FAF1: variants seen among roughly 807,000 people sequenced by gnomAD.
The protein encoded by FAF1 is FAS-associated factor 1.
Under a neutral mutation model 92.5 loss-of-function variants are expected in FAF1, and 25 were observed. The observed-to-expected ratio is 0.27, with a 90% CI of 0.20 to 0.38. The LOEUF is 0.38. Among genes scored for constraint, FAF1 ranks in the 10% least tolerant of loss-of-function variants. The pLI is 1.00. For synonymous variants in FAF1, 234 were observed against 273.2 expected (o/e 0.86, Z 1.42); for missense variants, 636 against 793.3 (o/e 0.80, Z 2.38).
At chr1:50,524,115 G>C (rs1647662230) in intron 15 of FAF1, among the ~76,000 whole-genome samples, 1 of 151,578 alleles carries the variant, frequency 6.6e-6, no homozygotes, top group Non-Finnish European at 1.5e-5. Flanking sequence ...GTATCTCATT[G>C]TGGTTTTGGT....
intron 2 of FAF1, among the ~76,000 whole-genome samples, chr1:50,817,695 T>C (rs1456504623): frequency 6.6e-6 from 1 of 152,100 alleles, no homozygotes; most frequent in African/African-American, 2.4e-5. Context: ...TAAACAGAAA[T>C]AGAGATTCAC....
intron 18 of FAF1, among the ~76,000 whole-genome samples, chr1:50,455,839 G>T (rs572328864): frequency 2.2e-4 from 33 of 152,020 alleles, no homozygotes; most frequent in African/African-American, 7.2e-4. Context: ...AAAATTTTGG[G>T]GGCCAGGTGC....
chr1:50,759,026 T>C (rs999093027), intron 4 of FAF1, among the ~76,000 whole-genome samples: 1 of 152,034 alleles, frequency 6.6e-6, no homozygotes, highest in Non-Finnish European at 1.5e-5. Context: ...GTGATTTTAG[T>C]AGAGACGGGG....
At chr1:50,538,139 G>A (rs1194172533) in intron 14 of FAF1, among the ~76,000 whole-genome samples, 1 of 151,484 alleles carries the variant, frequency 6.6e-6, no homozygotes, top group Non-Finnish European at 1.5e-5. Flanking sequence ...AAAACATCTT[G>A]GCAACTACCC....
chr1:50,726,427 T>C (rs1036533004), intron 6 of FAF1, among the ~76,000 whole-genome samples: 2 of 152,092 alleles, frequency 1.3e-5, no homozygotes, highest in Non-Finnish European at 2.9e-5. Flanking sequence ...CTGGGCACGG[T>C]AGCTCACGCC....
chr1:50,960,176 C>T lies in FAF1; in HGVS notation c.-365G>A, dbSNP rs936265679. 14 of 296,970 alleles carry T rather than the reference C, an allele frequency of 4.7e-5. No homozygotes were observed. Among genetic ancestry groups the T allele is most frequent in the Non-Finnish European group, 2.5e-5 (4 of 159,888 alleles). 18.4% of individuals were successfully genotyped at this position (296,970 alleles called of 1,614,324 possible). On this transcript the variant is annotated 5_prime_UTR_variant, in exon 1 of 19. Coordinates refer to ENST00000396153, the MANE Select transcript of FAF1 (RefSeq NM_007051.3). ...TCAGCGGCGTTAAGCCCGGCGGGGG[C>T]GGGGAAACCGAGCGAGCGAGCGGGC...
At chr1:50,866,447 A>T (rs1245258169) in intron 1 of FAF1, among the ~76,000 whole-genome samples, 1 of 152,162 alleles carries the variant, frequency 6.6e-6, no homozygotes, top group Middle Eastern at 3.4e-3. Flanking sequence ...AACACTAAAG[A>T]CTCATCCAAA....
chr1:50,675,085 T>C (rs1656061388), intron 7 of FAF1, among the ~76,000 whole-genome samples: 2 of 152,148 alleles, frequency 1.3e-5, no homozygotes, highest in South Asian at 4.1e-4. Flanking sequence ...GAGACAGGGT[T>C]TCGCCATGTT....
intron 2 of FAF1, among the ~76,000 whole-genome samples, chr1:50,812,421 TCAAA>T (rs1361690311): frequency 6.6e-6 from 1 of 151,892 alleles, no homozygotes; most frequent in Non-Finnish European, 1.5e-5. Flanking sequence ...AATGACATGA[TCAAA>T]CACTTTTCAA....
rs1557966733 is a variant in FAF1 at position 50,490,451 on chromosome 1, G to GAAAAAGAAA, written c.1653+136_1653+137insTTTCTTTTT. The stretch of plus-strand genomic sequence containing the variant: ...AGGAAGGAAGGAAGGAAGGAAGGAA[G>GAAAAAGAAA]GAAGGAAGGAAAAAGAAAGAAGGAA... On this transcript the variant is annotated intron_variant, in intron 17 of 18. Transcript: ENST00000396153. 5 of 295,664 alleles carry GAAAAAGAAA rather than the reference G, an allele frequency of 1.7e-5. No homozygotes were observed. In the African/African-American group the frequency reaches 2.0e-4, roughly 12 times the overall value. The allele number at this position is 295,664 out of a possible 1,614,324, so 18.3% of individuals were successfully genotyped here.
intron 15 of FAF1, among the ~76,000 whole-genome samples, chr1:50,514,665 A>G (rs889444611): frequency 6.6e-6 from 1 of 152,194 alleles, no homozygotes; most frequent in African/African-American, 2.4e-5. Context: ...AAGTCTCTGG[A>G]ATTTCTGATG....
At position 50,774,594 on chromosome 1, in the gene FAF1, T is replaced by A. The variant is rs562524766; in HGVS notation, c.367+13406A>T. 9.9e-4 allele frequency among the ~76,000 whole-genome samples: 150 copies of A among 152,240 alleles called. 1 individual carries two copies. The highest frequency in any genetic ancestry group is 3.6e-3 in the African/African-American group (148 of 41,566). On this transcript the variant is annotated intron_variant, in intron 4 of 18. Coordinates refer to ENST00000396153, the MANE Select transcript of FAF1 (RefSeq NM_007051.3). Reference sequence around the variant, plus strand: ...AAAGAGAAAAAATAAGATAAATGGTTCAAATAATAACAGACCTATTTTTCT... The same window carrying A: ...AAAGAGAAAAAATAAGATAAATGGTACAAATAATAACAGACCTATTTTTCT...
At chr1:50,896,742 C>G (rs1644760449) in intron 1 of FAF1, among the ~76,000 whole-genome samples, 1 of 152,120 alleles carries the variant, frequency 6.6e-6, no homozygotes, top group Non-Finnish European at 1.5e-5. Context: ...TAGTAAAACT[C>G]TTAGAGACAG....
intron 2 of FAF1, among the ~76,000 whole-genome samples, chr1:50,834,064 G>A (rs926351943): frequency 2.0e-5 from 3 of 152,294 alleles, no homozygotes; most frequent in African/African-American, 2.4e-5. Flanking sequence ...ATCATCGGGC[G>A]GATTTCCCCC....
chr1:50,451,147 T>A (rs757520254), intron 18 of FAF1, among the ~76,000 whole-genome samples: 13 of 152,152 alleles, frequency 8.5e-5, no homozygotes, highest in Non-Finnish European at 1.8e-4. Flanking sequence ...AGCATAGGTG[T>A]CGAGGACATT....
intron 4 of FAF1, among the ~76,000 whole-genome samples, chr1:50,745,204 G>A (rs1166235534): frequency 6.6e-6 from 1 of 152,156 alleles, no homozygotes; most frequent in Non-Finnish European, 1.5e-5. Flanking sequence ...AAGAGGCTGA[G>A]GCAGGAGAAT....
chr1:50,715,029 T>C (rs548082370), intron 6 of FAF1: 3 of 434,444 alleles, frequency 6.9e-6, no homozygotes, highest in South Asian at 5.0e-5. Flanking sequence ...TAAAAATATA[T>C]ATCTATTTGC....
chr1:50,494,893 T>G (rs1220477884), intron 15 of FAF1, among the ~76,000 whole-genome samples: 1 of 152,228 alleles, frequency 6.6e-6, no homozygotes, highest in African/African-American at 2.4e-5. Context: ...TAGTAACTTT[T>G]ATTTAAATAT....
At chr1:50,745,644 G>T (rs1018892062) in intron 4 of FAF1, among the ~76,000 whole-genome samples, 1 of 152,136 alleles carries the variant, frequency 6.6e-6, no homozygotes, top group African/African-American at 2.4e-5. Flanking sequence ...CTTCTGCCAT[G>T]AGTAAAAGCT....
Sources: gnomAD v4.1 joint callset for allele counts (sites outside exome capture counted in the v4.1 genomes callset) on GRCh38, gnomAD v4.1.1 for gene constraint, MANE v1.5 for transcripts, NCBI Gene and HGNC (gene_info 2026-07-23, HGNC 2026-07-21) for gene names.